SAMSN1: variants seen among roughly 807,000 people sequenced by gnomAD.
SAMSN1 encodes SAM domain, SH3 domain and nuclear localization signals 1, also known as SAM domain-containing protein SAMSN-1.
Under a neutral mutation model 42.0 loss-of-function variants are expected in SAMSN1, and 31 were observed. The observed-to-expected ratio is 0.74, with a 90% CI of 0.55 to 1.00. The LOEUF (loss-of-function observed/expected upper bound fraction) is 1.00, where lower values mean the gene tolerates loss of function less well. Ranked by LOEUF, SAMSN1 falls within the 50% of genes least tolerant of loss-of-function variation. The probability of loss-of-function intolerance (pLI) is 0.00; values close to 1 mark genes in which losing one functional copy is unlikely to be tolerated. For synonymous variants in SAMSN1, 178 were observed against 151.9 expected (o/e 1.17, Z -1.26); for missense variants, 464 against 439.4 (o/e 1.06, Z -0.50).
At chr21:14,533,563 C>A (rs1030283805) in intron 1 of SAMSN1, among the ~76,000 whole-genome samples, 1 of 152,132 alleles carries the variant, frequency 6.6e-6, no homozygotes, top group Non-Finnish European at 1.5e-5. Flanking sequence ...TGTCCAGGGT[C>A]ACGCCCTCAC....
chr21:14,504,746 A>G (rs1987325385), intron 5 of SAMSN1, among the ~76,000 whole-genome samples: 1 of 152,096 alleles, frequency 6.6e-6, no homozygotes, highest in African/African-American at 2.4e-5. Flanking sequence ...TACAAGAAAC[A>G]CGAACCTAGG....
chr21:14,579,760 G>T (rs1276140613), intron 2 of SAMSN1, among the ~76,000 whole-genome samples: 3 of 150,888 alleles, frequency 2.0e-5, no homozygotes, highest in Admixed American at 6.6e-5. Context: ...GGGATTAATG[G>T]TGTGAGCCAC....
intron 1 of SAMSN1, among the ~76,000 whole-genome samples, chr21:14,646,036 G>A (rs1183412317): frequency 6.6e-6 from 1 of 152,110 alleles, no homozygotes; most frequent in African/African-American, 2.4e-5. Context: ...CCTCAAAAGG[G>A]CAAATCTAAG....
intron 5 of SAMSN1, among the ~76,000 whole-genome samples, chr21:14,603,215 C>A (rs1242220251): frequency 6.6e-6 from 1 of 152,110 alleles, no homozygotes; most frequent in Non-Finnish European, 1.5e-5. Flanking sequence ...CATCTTGTCT[C>A]TTTTAGTCAC....
chr21:14,530,057 C>T (rs191631868), intron 1 of SAMSN1, among the ~76,000 whole-genome samples: 1 of 152,256 alleles, frequency 6.6e-6, no homozygotes, highest in East Asian at 1.9e-4. Flanking sequence ...TGGCTCACGC[C>T]TGCAATCCCA....
upstream of SAMSN1, among the ~76,000 whole-genome samples, chr21:14,547,100 T>A (rs9979867): frequency 0.27 from 40,966 of 152,160 alleles, 5,773 homozygotes; most frequent in African/African-American, 0.35. Flanking sequence ...CATGTATGCA[T>A]ATATTTTAAA....
intron 2 of SAMSN1, among the ~76,000 whole-genome samples, chr21:14,619,182 G>T (rs1016639455): frequency 6.6e-6 from 1 of 152,212 alleles, no homozygotes; most frequent in African/African-American, 2.4e-5. Context: ...GGTTACAGAT[G>T]ACTATCCTTT....
At chr21:14,590,268 T>TTG (rs1555840637) in intron 7 of SAMSN1, among the ~76,000 whole-genome samples, 4 of 150,834 alleles carry the variant, frequency 2.7e-5, no homozygotes, top group Non-Finnish European at 5.9e-5. Flanking sequence ...TTGGGAGAAT[T>TTG]TTTTTTTCTT....
intron 2 of SAMSN1, among the ~76,000 whole-genome samples, chr21:14,626,991 G>A (rs1055007128): frequency 6.6e-6 from 1 of 152,098 alleles, no homozygotes; most frequent in Non-Finnish European, 1.5e-5. Flanking sequence ...CATGAATGAA[G>A]CTGGAAACCA....
At chr21:14,631,804 A>G (rs923107931) in intron 2 of SAMSN1, among the ~76,000 whole-genome samples, 7 of 152,204 alleles carry the variant, frequency 4.6e-5, no homozygotes, top group Admixed American at 4.6e-4. Context: ...TCAGAATTTA[A>G]TCACCATTAC....
intron 2 of SAMSN1, among the ~76,000 whole-genome samples, chr21:14,634,245 G>A (rs1241207649): frequency 1.3e-5 from 2 of 151,828 alleles, no homozygotes; most frequent in African/African-American, 4.8e-5. Context: ...CATTCAGGAC[G>A]TAGGTACAGG....
intron 6 of SAMSN1, among the ~76,000 whole-genome samples, chr21:14,601,611 G>A (rs1395360058): frequency 6.6e-6 from 1 of 152,102 alleles, no homozygotes; most frequent in African/African-American, 2.4e-5. Context: ...TATTAGTGAG[G>A]CCAAACATTC....
intron 1 of SAMSN1, among the ~76,000 whole-genome samples, chr21:14,651,494 T>TA (rs1274448671): frequency 2.6e-5 from 4 of 151,836 alleles, no homozygotes; most frequent in East Asian, 1.9e-4. Context: ...TCCTTCATGA[T>TA]AAAAAAATAC....
chr21:14,623,642 T>G (rs1486988128), intron 2 of SAMSN1, among the ~76,000 whole-genome samples: 2 of 152,188 alleles, frequency 1.3e-5, no homozygotes, highest in East Asian at 3.8e-4. Flanking sequence ...CTTAGAGACC[T>G]ACAAGGAGAC....
intron 6 of SAMSN1, among the ~76,000 whole-genome samples, chr21:14,499,845 G>A (rs1987071496): frequency 6.6e-6 from 1 of 152,120 alleles, no homozygotes; most frequent in Non-Finnish European, 1.5e-5. Context: ...ATTGGCTATT[G>A]TCTTGGTGAA....
intron 5 of SAMSN1, among the ~76,000 whole-genome samples, chr21:14,509,591 C>T (rs1568775199): frequency 6.6e-6 from 1 of 152,188 alleles, no homozygotes; most frequent in Non-Finnish European, 1.5e-5. Flanking sequence ...GTCTGGTTCC[C>T]AAGGCCTTTG....
upstream of SAMSN1, chr21:14,546,489 TG>T: frequency 1.9e-6 from 1 of 525,024 alleles, no homozygotes; most frequent in Non-Finnish European, 3.0e-6. Context: ...CTATGAGGTA[TG>T]TTCCAAATCT....
intron 7 of SAMSN1, among the ~76,000 whole-genome samples, chr21:14,487,675 C>T (rs1261654389): frequency 6.6e-6 from 1 of 152,124 alleles, no homozygotes; most frequent in Admixed American, 6.6e-5. Flanking sequence ...CAGAATGAGT[C>T]ATAACAGTTC....
chr21:14,499,512 A>G (rs1340993941), intron 6 of SAMSN1, among the ~76,000 whole-genome samples: 1 of 151,420 alleles, frequency 6.6e-6, no homozygotes, highest in African/African-American at 2.4e-5. Context: ...AAAAAAAGGA[A>G]GAAAAGCAAG....
Sources: gnomAD v4.1 joint callset for allele counts (sites outside exome capture counted in the v4.1 genomes callset) on GRCh38, gnomAD v4.1.1 for gene constraint, MANE v1.5 for transcripts, NCBI Gene and HGNC (gene_info 2026-07-23, HGNC 2026-07-21) for gene names.